The following ECPAS variants were observed in gnomAD, a reference collection of about 807,000 sequenced individuals.
The protein encoded by ECPAS is proteasome adapter and scaffold protein ECM29.
A neutral mutation model predicts 255.1 loss-of-function variants in ECPAS; 70 were observed. The observed-to-expected ratio is 0.27, with a 90% CI of 0.23 to 0.33. The LOEUF (loss-of-function observed/expected upper bound fraction) is 0.33. Ranked by LOEUF, ECPAS falls within the 10% of genes least tolerant of loss-of-function variation. The pLI, the probability that ECPAS is intolerant of heterozygous loss-of-function variation, is 1.00. For synonymous variants in ECPAS, 784 were observed against 775.0 expected (o/e 1.01, Z -0.19); for missense variants, 1,817 against 2,206.4 (o/e 0.82, Z 3.54).
At chr9:111,393,243 T>A (rs1589138486) in intron 27 of ECPAS, among the ~76,000 whole-genome samples, 1 of 152,116 alleles carries the variant, frequency 6.6e-6, no homozygotes, top group East Asian at 1.9e-4. Flanking sequence ...GACCTAACTT[T>A]TAAAAGTCAA....
At chr9:111,417,656 G>C (rs768023122) in intron 17 of ECPAS, among the ~76,000 whole-genome samples, 3 of 151,650 alleles carry the variant, frequency 2.0e-5, no homozygotes, top group Non-Finnish European at 2.9e-5. Flanking sequence ...TGGGGCAGGA[G>C]AATCACTTGA....
intron 28 of ECPAS, 126 bp downstream of exon 28, chr9:111,392,642 C>T (rs561107144): frequency 1.1e-5 from 7 of 627,056 alleles, no homozygotes; most frequent in South Asian, 6.2e-5. Context: ...ATTATGGACT[C>T]GCAACTTAGA....
rs768257099 is a variant in ECPAS, at chr9:111,413,980, G to A, written c.1994C>T (p.Pro665Leu). ...QQLLAGVGGLPVMYCLLEAVS... is the reference protein window; with the variant it reads ...QQLLAGVGGLLVMYCLLEAVS... The stretch of plus-strand genomic sequence containing the variant: ...AGCTTCCAATAGACAGTACATAACC[G>A]GCAAACCTAAATAAGAATTCAGAAT... The change falls in exon 20 of 50, where the codon CCG becomes CTG. Residue 665 changes from proline to leucine, a missense_variant. By Grantham distance (98) the Pro-to-Leu change is moderately conservative. Coordinates refer to ENST00000684092, the MANE Select transcript of ECPAS (RefSeq NM_001364929.1). 11 of 1,570,344 alleles carry A rather than the reference G, an allele frequency of 7.0e-6. No homozygotes were observed. The highest frequency in any genetic ancestry group is 4.1e-5 in the African/African-American group (3 of 73,776).
intron 24 of ECPAS, among the ~76,000 whole-genome samples, chr9:111,407,429 A>AAAAAAAAAAAAAAAAG (rs1274675823): frequency 1.6e-5 from 2 of 127,736 alleles, no homozygotes; most frequent in Non-Finnish European, 1.9e-5. Context: ...AAAAAAAAAA[A>AAAAAAAAAAAAAAAAG]AAAAAAAAAC....
chr9:111,448,341 A>G (rs562967552), intron 3 of ECPAS, among the ~76,000 whole-genome samples: 2 of 152,262 alleles, frequency 1.3e-5, no homozygotes, highest in African/African-American at 4.8e-5. Flanking sequence ...AAGCAGACAG[A>G]AGGAAAACAA....
At position 111,369,141 on chromosome 9, in the gene ECPAS, G is replaced by T; in HGVS notation, c.5007C>A (p.Thr1669=). ...NSLESSGVRT[T]KNEEENEKEK... is the part of the protein sequence containing the mutation. ...CCTTTTCATTCTCCTCTTCATTTTT[G>T]GTTGTCCGGACCCCACTGCTTTCAA... is the stretch of plus-strand genomic sequence containing the variant. The change falls in exon 46 of 50, where the codon ACC becomes ACA. Residue 1669 remains threonine, a synonymous_variant. Transcript: ENST00000684092. 6.2e-7 allele frequency: 1 copy of T among 1,604,510 alleles called. No individual in the cohort carries two copies. The highest frequency in any genetic ancestry group is 8.5e-7 in the Non-Finnish European group (1 of 1,176,594).
chr9:111,391,187 G>C (rs1395604213), intron 29 of ECPAS, among the ~76,000 whole-genome samples: 2 of 152,144 alleles, frequency 1.3e-5, no homozygotes, highest in South Asian at 2.1e-4. Context: ...GCCCTATCCT[G>C]CCTCCTCATC....
intron 27 of ECPAS, 73 bp from the exon 28 acceptor site, chr9:111,392,955 T>A: frequency 1.1e-6 from 1 of 942,840 alleles, no homozygotes; most frequent in Non-Finnish European, 1.6e-6. Context: ...TCAAAATTTT[T>A]AAAGTTATGT....
At chr9:111,419,722 T>C (rs2098210294) in intron 16 of ECPAS, among the ~76,000 whole-genome samples, 1 of 151,012 alleles carries the variant, frequency 6.6e-6, no homozygotes, top group Admixed American at 6.6e-5. Context: ...TCATATAATT[T>C]GCTTTATTTA....
chr9:111,392,956 AAAGTT>A (rs1275448416), intron 27 of ECPAS, 74 bp from the exon 28 acceptor site: 5 of 945,800 alleles, frequency 5.3e-6, no homozygotes, highest in Middle Eastern at 4.3e-4. Flanking sequence ...CAAAATTTTT[AAAGTT>A]ATGTTGACAC....
At chr9:111,373,068 C>T in intron 41 of ECPAS, 102 bp downstream of exon 41, 1 of 944,006 alleles carries the variant, frequency 1.1e-6, no homozygotes, top group East Asian at 2.4e-5. Context: ...ATGTTTCTAG[C>T]AAATCACATA....
intron 36 of ECPAS, among the ~76,000 whole-genome samples, chr9:111,377,243 G>A (rs1171045839): frequency 6.6e-6 from 1 of 152,110 alleles, no homozygotes; most frequent in Non-Finnish European, 1.5e-5. Context: ...AGATCAAATA[G>A]TGAACAGAGG....
intron 25 of ECPAS, among the ~76,000 whole-genome samples, chr9:111,395,230 T>A (rs1314544668): frequency 3.3e-5 from 5 of 152,122 alleles, no homozygotes; most frequent in Admixed American, 6.6e-5. Flanking sequence ...TCTACAATTA[T>A]AAAACCAACA....
At chr9:111,416,875 G>A (rs1407342531) in intron 17 of ECPAS, among the ~76,000 whole-genome samples, 1 of 152,168 alleles carries the variant, frequency 6.6e-6, no homozygotes, top group African/African-American at 2.4e-5. Flanking sequence ...GGTCATTACT[G>A]CCAATATCCT....
chr9:111,469,051 C>T (rs1180246536), intron 2 of ECPAS, among the ~76,000 whole-genome samples: 1 of 152,178 alleles, frequency 6.6e-6, no homozygotes, highest in Non-Finnish European at 1.5e-5. Context: ...CTTGGCAAAA[C>T]CCAAATGAGG....
chr9:111,373,368 G>A lies in ECPAS; in HGVS notation c.4216C>T (p.Arg1406Trp), dbSNP rs372767972. ...CAAGATTTCTGAATCACACTGTTCC[G>A]ATCTGTCAGGCCACTCAGCAAAGCA... Reference protein sequence around the residue: ...MSALLSGLTDRNSVIQKSCAF... With the variant: ...MSALLSGLTDWNSVIQKSCAF... The change falls in exon 40 of 50, where the codon CGG becomes TGG. Residue 1406 changes from arginine (R) to tryptophan (W), a missense_variant. This residue lies in a region of ECPAS where 960 missense variants were observed against 1,179.0 expected (regional missense o/e 0.81). Coordinates refer to ENST00000684092, the MANE Select transcript of ECPAS (RefSeq NM_001364929.1). The A allele has an allele frequency of 1.1e-5, 18 of 1,613,664 alleles. 1 individual carries two copies. The highest frequency in any genetic ancestry group is 6.7e-5 in the African/African-American group (5 of 74,892).
At chr9:111,446,275 G>A (rs1382402993) in intron 3 of ECPAS, among the ~76,000 whole-genome samples, 1 of 152,176 alleles carries the variant, frequency 6.6e-6, no homozygotes, top group Non-Finnish European at 1.5e-5. Flanking sequence ...ATGTACAGAG[G>A]CTCATATCAA....
Position 111,392,797 on chromosome 9 carries a change from T to C in ECPAS, c.3063A>G (p.Thr1021=). The change falls in exon 28 of 50, where the codon ACA becomes ACG. Residue 1021 remains threonine, a synonymous_variant. Coordinates refer to ENST00000684092, the MANE Select transcript of ECPAS (RefSeq NM_001364929.1). ...NEQDQQELVS[T]LVETLMTGKR... is the part of the protein sequence containing the mutation. ...TGCCAGTCATAAGTGTTTCCACAAGTGTAGAAACCAATTCCTGTTGATCTT... is the reference window on the plus strand; with the variant it reads ...TGCCAGTCATAAGTGTTTCCACAAGCGTAGAAACCAATTCCTGTTGATCTT... 6.2e-7 allele frequency: 1 copy of C among 1,613,454 alleles called. No individual in the cohort carries two copies. The highest frequency in any genetic ancestry group is 8.5e-7 in the Non-Finnish European group (1 of 1,179,662).
At chr9:111,407,316 C>T (rs770841187) in intron 24 of ECPAS, among the ~76,000 whole-genome samples, 3 of 135,554 alleles carry the variant, frequency 2.2e-5, no homozygotes, top group South Asian at 2.4e-4. Flanking sequence ...GAAGGAGAAT[C>T]GCTTGAACCC....
Sources: gnomAD v4.1 joint callset for allele counts (sites outside exome capture counted in the v4.1 genomes callset) on GRCh38, gnomAD v4.1.1 for gene constraint, gnomAD v4.1.1 regional missense constraint, MANE v1.5 for transcripts, NCBI Gene and HGNC (gene_info 2026-07-23, HGNC 2026-07-21) for gene names.